Variants in GFRAL observed in about 807,000 individuals in gnomAD.
GFRAL encodes the protein GDNF family receptor alpha-like.
A neutral mutation model predicts 45.4 loss-of-function variants in GFRAL; 36 were observed. The ratio of observed to expected loss-of-function variants is 0.79; its 90% CI spans 0.61 to 1.05. GFRAL has a LOEUF of 1.05. Among genes scored for constraint, GFRAL ranks in the 50% least tolerant of loss-of-function variants. The probability of loss-of-function intolerance (pLI) is 0.00; values close to 1 mark genes in which losing one functional copy is unlikely to be tolerated. For synonymous variants in GFRAL, 166 were observed against 154.1 expected, an observed-to-expected ratio of 1.08 and a Z score of -0.57; for missense variants, 507 against 467.5, an observed-to-expected ratio of 1.08 and a Z score of -0.78.
chr6:55,332,542 G>C (rs890684828), intron 2 of GFRAL, among the ~76,000 whole-genome samples: 3 of 151,890 alleles, frequency 2.0e-5, no homozygotes, highest in African/African-American at 7.3e-5. Flanking sequence ...TCCTGCCTCA[G>C]CCTCCAGAGT....
chr6:55,329,887 CTA>C (rs1006234756), intron 1 of GFRAL, among the ~76,000 whole-genome samples: 2 of 152,024 alleles, frequency 1.3e-5, no homozygotes, highest in Non-Finnish European at 2.9e-5. Context: ...TACTTGAAGC[CTA>C]TCACTCTACA....
intron 6 of GFRAL, among the ~76,000 whole-genome samples, chr6:55,384,304 AC>A (rs146448386): frequency 0.064 from 9,738 of 152,064 alleles, 501 homozygotes; most frequent in African/African-American, 0.14. Flanking sequence ...TTATCCCCAC[AC>A]AATAAAACAT....
intron 2 of GFRAL, among the ~76,000 whole-genome samples, chr6:55,332,102 CATGTATAAT>C: frequency 6.6e-6 from 1 of 152,202 alleles, no homozygotes; most frequent in African/African-American, 2.4e-5. Context: ...CCTCTCTCAC[CATGTATAAT>C]GCTACAATTT....
chr6:55,348,304 C>T (rs1768070637), intron 3 of GFRAL, among the ~76,000 whole-genome samples: 1 of 151,748 alleles, frequency 6.6e-6, no homozygotes, highest in Non-Finnish European at 1.5e-5. Context: ...ATGTTAATTT[C>T]ATACAAAATT....
At chr6:55,370,257 T>G (rs1384238464) in intron 6 of GFRAL, among the ~76,000 whole-genome samples, 1 of 152,116 alleles carries the variant, frequency 6.6e-6, no homozygotes, top group African/African-American at 2.4e-5. Context: ...CAACATCACA[T>G]TCTTTTCTTT....
intron 3 of GFRAL, among the ~76,000 whole-genome samples, chr6:55,342,546 A>T (rs1581902461): frequency 6.6e-6 from 1 of 152,122 alleles, no homozygotes; most frequent in Non-Finnish European, 1.5e-5. Flanking sequence ...GAAAGGGACA[A>T]CCGGTACCCA....
chr6:55,376,405 A>C (rs4715538), intron 6 of GFRAL, among the ~76,000 whole-genome samples: 20,197 of 151,894 alleles, frequency 0.13, 2,062 homozygotes, highest in East Asian at 0.37. Context: ...TTTCCTTTTC[A>C]ATTTTTTGGA....
At chr6:55,334,975 TA>T (rs1245225532) in intron 3 of GFRAL, among the ~76,000 whole-genome samples, 2 of 152,180 alleles carry the variant, frequency 1.3e-5, no homozygotes, top group African/African-American at 2.4e-5. Context: ...GGATTAAAAA[TA>T]AGGCTGCTAT....
chr6:55,371,658 T>C (rs879542190), intron 6 of GFRAL, among the ~76,000 whole-genome samples: 5 of 152,212 alleles, frequency 3.3e-5, no homozygotes, highest in Non-Finnish European at 7.3e-5. Flanking sequence ...AAACAACAAA[T>C]GAATGCTGAA....
chr6:55,355,221 G>A (rs1768173415), intron 5 of GFRAL, among the ~76,000 whole-genome samples: 1 of 151,756 alleles, frequency 6.6e-6, no homozygotes, highest in Non-Finnish European at 1.5e-5. Context: ...ATCAGGGTCT[G>A]TTAGGGAGTC....
rs367638155 is a variant in GFRAL, at chr6:55,359,178, C to A, written c.952+40C>A. ...TAAAATTATCTGTCTATCTATCTAT[C>A]TATCTATCATCTATCTATCTATCTA... is the stretch of plus-strand genomic sequence containing the variant. On this transcript the variant is annotated intron_variant, in intron 6 of 8. Coordinates refer to ENST00000340465, the MANE Select transcript of GFRAL (RefSeq NM_207410.2). The A allele has an allele frequency of 1.4e-3, 2,088 of 1,537,092 alleles. 5 individuals carry two copies. Among genetic ancestry groups the A allele is most frequent in the Non-Finnish European group, 1.6e-3 (1,821 of 1,123,554 alleles).
chr6:55,365,154 C>T (rs1768342356), intron 6 of GFRAL, among the ~76,000 whole-genome samples: 1 of 151,258 alleles, frequency 6.6e-6, no homozygotes, highest in Non-Finnish European at 1.5e-5. Flanking sequence ...AGGTCCTTCA[C>T]ATCCCTTGTA....
At chr6:55,356,074 C>T (rs925815140) in intron 5 of GFRAL, among the ~76,000 whole-genome samples, 1 of 151,816 alleles carries the variant, frequency 6.6e-6, no homozygotes, top group African/African-American at 2.4e-5. Flanking sequence ...AGGATAAATC[C>T]CACGTGGTCA....
chr6:55,374,291 T>C (rs1768495499), intron 6 of GFRAL, among the ~76,000 whole-genome samples: 1 of 152,122 alleles, frequency 6.6e-6, no homozygotes, highest in African/African-American at 2.4e-5. Flanking sequence ...GGTCAAATGG[T>C]ATCTCTGCTT....
At chr6:55,372,115 T>A (rs939778031) in intron 6 of GFRAL, among the ~76,000 whole-genome samples, 2 of 152,190 alleles carry the variant, frequency 1.3e-5, no homozygotes, top group Admixed American at 1.3e-4. Flanking sequence ...ATTGATATAC[T>A]TTTCTTTCTT....
At chr6:55,334,296 G>A (rs759599708) in intron 3 of GFRAL, among the ~76,000 whole-genome samples, 63 of 152,116 alleles carry the variant, frequency 4.1e-4, no homozygotes, top group Non-Finnish European at 7.8e-4. Context: ...TTGTGGCCTT[G>A]CACAAAACCT....
chr6:55,385,295 A>G (rs1012569016), intron 6 of GFRAL, among the ~76,000 whole-genome samples: 1 of 152,088 alleles, frequency 6.6e-6, no homozygotes. Context: ...CTGAAGCTAT[A>G]AAAGATGTAT....
rs1354667638 is a variant in GFRAL at position 55,367,361 on chromosome 6, A to G, written c.952+8223A>G. Among the ~76,000 whole-genome samples, 3 of 142,860 alleles carry G rather than the reference A, an allele frequency of 2.1e-5. 1 individual carries two copies. The highest frequency in any genetic ancestry group is 4.6e-5 in the Non-Finnish European group (3 of 65,932). The allele number at this position is 142,860 out of a possible 152,430, so 93.7% of individuals were successfully genotyped here. A position where few individuals can be genotyped will look rare whatever the true frequency, so the allele number is the denominator to read the frequency against. On this transcript the variant is annotated intron_variant, in intron 6 of 8. Transcript: ENST00000340465. ...TCTGCACGTGAGATGGGTTTCCTGA[A>G]TACAGCACGCTGATGGGTCTTGACT...
chr6:55,351,959 G>A (rs949201032), intron 5 of GFRAL, among the ~76,000 whole-genome samples: 1 of 151,816 alleles, frequency 6.6e-6, no homozygotes, highest in South Asian at 2.1e-4. Flanking sequence ...TATTATTTTG[G>A]CAAGGAGACT....
Sources: allele counts gnomAD v4.1 joint callset (sites outside exome capture counted in the v4.1 genomes callset), GRCh38; gene constraint gnomAD v4.1.1; transcripts MANE v1.5; gene names NCBI Gene and HGNC (gene_info 2026-07-23, HGNC 2026-07-21).